ZSCAN5A: variants seen among roughly 807,000 people sequenced by gnomAD.
ZSCAN5A encodes zinc finger and SCAN domain-containing protein 5A.
ZSCAN5A carries 12 observed loss-of-function variants against 23.7 expected under a neutral mutation model. The observed-to-expected ratio is 0.51, with a 90% CI of 0.32 to 0.82. The LOEUF (loss-of-function observed/expected upper bound fraction) is 0.82. ZSCAN5A is among the 40% of genes least tolerant of loss of function. ZSCAN5A has a pLI of 0.03. For missense variants in ZSCAN5A, 597 were observed against 617.9 expected (o/e 0.97, Z 0.36); for synonymous variants, 257 against 239.9 (o/e 1.07, Z -0.66).
chr19:56,338,066 G>T (rs1040615727), intron 2 of ZSCAN5A, among the ~76,000 whole-genome samples: 1 of 152,098 alleles, frequency 6.6e-6, no homozygotes, highest in African/African-American at 2.4e-5. Flanking sequence ...AAAATTAATT[G>T]TGACAACTCA....
At chr19:56,250,952 C>A (rs963887801) in intron 2 of ZSCAN5A, among the ~76,000 whole-genome samples, 8 of 152,086 alleles carry the variant, frequency 5.3e-5, no homozygotes, top group African/African-American at 1.7e-4. Context: ...AGATCAAGAC[C>A]ATCCTGGCTA....
intron 2 of ZSCAN5A, among the ~76,000 whole-genome samples, chr19:56,253,267 CAAAA>C (rs60969244): frequency 0.18 from 19,735 of 108,952 alleles, 1,654 homozygotes; most frequent in South Asian, 0.36. Flanking sequence ...GAGGCTGTCT[CAAAA>C]AAAAAAAAAA....
intron 5 of ZSCAN5A, 118 bp from the exon 6 acceptor site, chr19:56,222,444 T>A: frequency 6.4e-7 from 1 of 1,558,028 alleles, no homozygotes; most frequent in Non-Finnish European, 8.7e-7. Context: ...GCCTAAGACA[T>A]TGGACTGTAG....
chr19:56,305,748 T>C (rs2147315005), intron 2 of ZSCAN5A, among the ~76,000 whole-genome samples: 1 of 152,098 alleles, frequency 6.6e-6, no homozygotes, highest in South Asian at 2.1e-4. Context: ...AAGCTGAGGA[T>C]ATGATGAAAA....
chr19:56,281,660 T>C, intron 2 of ZSCAN5A: 14 of 984,472 alleles, frequency 1.4e-5, no homozygotes, highest in Non-Finnish European at 1.7e-5. Context: ...TCCATGTTGA[T>C]TCACTGGCTC....
At chr19:56,295,234 G>C (rs1281039483) in intron 2 of ZSCAN5A, 3 of 152,146 alleles carry the variant, frequency 2.0e-5, no homozygotes, top group Non-Finnish European at 1.5e-5. Context: ...ACAACAACGG[G>C]TGGTGGGATG....
At chr19:56,322,141 T>C in intron 2 of ZSCAN5A, 2 of 769,590 alleles carry the variant, frequency 2.6e-6, no homozygotes, top group Admixed American at 1.8e-5. Flanking sequence ...GCTGAGCGTC[T>C]CTGGAAGGAG....
intron 2 of ZSCAN5A, chr19:56,320,180 A>G: frequency 1.4e-6 from 1 of 693,608 alleles, no homozygotes; most frequent in South Asian, 1.4e-5. Context: ...TGGTTGTTTC[A>G]AGTTGTTCCT....
At chr19:56,319,910 TC>T (rs2041357236) in intron 2 of ZSCAN5A, 1 of 1,119,524 alleles carries the variant, frequency 8.9e-7, no homozygotes, top group Non-Finnish European at 1.4e-6. Flanking sequence ...CTGCAAAAAT[TC>T]ATTGAGTTCA....
At position 56,321,194 on chromosome 19, in the gene ZSCAN5A, G is replaced by A. The variant is rs147202190; in HGVS notation, c.-357-4926C>T. 426 of 662,254 alleles carry A rather than the reference G, an allele frequency of 6.4e-4. 1 individual carries two copies. The African/African-American group carries it at 7.1e-3, about 11-fold the overall frequency. 41.0% of individuals were successfully genotyped at this position (662,254 alleles called of 1,614,324 possible). On this transcript the variant is annotated intron_variant, in intron 2 of 6. Transcript: ENST00000587340. ...GGTAATTACGTGCTTCATTCAAAATGAAGTTAATATCTTCTTCTGAAGGAC... is the reference window on the plus strand; with the variant it reads ...GGTAATTACGTGCTTCATTCAAAATAAAGTTAATATCTTCTTCTGAAGGAC...
At chr19:56,258,763 T>A (rs2036910896) in intron 2 of ZSCAN5A, among the ~76,000 whole-genome samples, 1 of 152,180 alleles carries the variant, frequency 6.6e-6, no homozygotes, top group South Asian at 2.1e-4. Flanking sequence ...CCCTTGCATC[T>A]GGGCAGGGCT....
chr19:56,313,232 A>C, intron 2 of ZSCAN5A, 51 bp downstream of exon 2: 1 of 339,284 alleles, frequency 2.9e-6, no homozygotes, highest in South Asian at 2.3e-5. Flanking sequence ...CTGCTGATAA[A>C]GACATATCCA....
chr19:56,282,535 C>A, intron 2 of ZSCAN5A: 1 of 984,896 alleles, frequency 1.0e-6, no homozygotes, highest in African/African-American at 1.7e-5. Flanking sequence ...CCTTTGGGGT[C>A]TGTTTGCCTT....
intron 2 of ZSCAN5A, among the ~76,000 whole-genome samples, chr19:56,290,910 AC>A (rs2039466258): frequency 6.6e-6 from 1 of 152,094 alleles, no homozygotes; most frequent in Non-Finnish European, 1.5e-5. Context: ...AGAAGAGGCA[AC>A]TATCCAAAGA....
Position 56,361,966 on chromosome 19 carries a change from G to A in ZSCAN5A, c.-358+1269C>T, listed in dbSNP as rs1452549068. Among the ~76,000 whole-genome samples the A allele has an allele frequency of 2.6e-5, 4 of 151,488 alleles. No individual in the cohort carries two copies. In the East Asian group the frequency reaches 7.9e-4, roughly 30 times the overall value. On this transcript the variant is annotated intron_variant, in intron 2 of 6. Coordinates refer to the ZSCAN5A transcript ENST00000587340. The stretch of plus-strand genomic sequence containing the variant: ...AGGTCAGGAGATCGAGACCATCCTG[G>A]CTAACACGGTGAAACCCCATCTCTA...
rs977963990 is a variant in ZSCAN5A, at chr19:56,222,691, C to G, written c.639G>C (p.Lys213Asn). 14 of 1,614,144 alleles carry G rather than the reference C, an allele frequency of 8.7e-6. No homozygotes were observed. Among genetic ancestry groups the G allele is most frequent in the Admixed American group, 1.7e-5 (1 of 60,008 alleles). ...HKSIDVTGDP[K>N]SLRPKQTLEK... ...CCAAGGTCTGCTTGGGTCTCAGAGACTTTGGGTCACCTGTTACGTCAATAC... is the reference window on the plus strand; with the variant it reads ...CCAAGGTCTGCTTGGGTCTCAGAGAGTTTGGGTCACCTGTTACGTCAATAC... Residue 213 changes from lysine to asparagine, a missense_variant, in exon 5 of 6, where the codon AAG becomes AAC. Lys to Asn is a moderately conservative substitution (Grantham distance 94). Coordinates refer to ENST00000683990, the MANE Select transcript of ZSCAN5A (RefSeq NM_001322064.3).
intron 2 of ZSCAN5A, among the ~76,000 whole-genome samples, chr19:56,265,408 A>G (rs1326523031): frequency 6.7e-6 from 1 of 150,202 alleles, no homozygotes. Context: ...AGCAAGCAGT[A>G]AGGCTTGAAA....
At chr19:56,341,131 C>A (rs1202056965) in intron 2 of ZSCAN5A, 2 of 152,022 alleles carry the variant, frequency 1.3e-5, no homozygotes, top group Non-Finnish European at 2.9e-5. Context: ...GTATCAATAG[C>A]CAAATTGATC....
At chr19:56,228,275 A>C (rs2034145532) in intron 2 of ZSCAN5A, 2 of 984,666 alleles carry the variant, frequency 2.0e-6, no homozygotes, top group Non-Finnish European at 2.4e-6. Context: ...TCTGCCTCCG[A>C]CCTTCTCGGT....
Sources: gnomAD v4.1 joint callset for allele counts (sites outside exome capture counted in the v4.1 genomes callset) on GRCh38, gnomAD v4.1.1 for gene constraint, MANE v1.5 for transcripts, NCBI Gene and HGNC (gene_info 2026-07-23, HGNC 2026-07-21) for gene names.